The following USP3 variants were observed in gnomAD, a reference collection of about 807,000 sequenced individuals.
USP3 encodes ubiquitin specific peptidase 3, also known as ubiquitin carboxyl-terminal hydrolase 3.
Under a neutral mutation model 72.3 loss-of-function variants are expected in USP3, and 20 were observed. The ratio of observed to expected loss-of-function variants is 0.28; its 90% CI spans 0.19 to 0.40. The LOEUF is 0.40. USP3 is among the 10% of genes least tolerant of loss of function. The probability of loss-of-function intolerance (pLI) is 1.00; values close to 1 mark genes in which losing one functional copy is unlikely to be tolerated. For missense variants in USP3, 479 were observed against 633.9 expected (o/e 0.76, Z 2.62); for synonymous variants, 222 against 225.3 (o/e 0.99, Z 0.13).
In USP3 at chr15:63,556,722, C is replaced by T; in HGVS notation, c.424C>T (p.Leu142=). The T allele has an allele frequency of 6.2e-7, 1 of 1,606,278 alleles. No homozygotes were observed. The highest frequency in any genetic ancestry group is 8.5e-7 in the Non-Finnish European group (1 of 1,176,516). Residue 142 remains leucine, a synonymous_variant, in exon 5 of 15, where the codon CTA becomes TTA. Transcript: ENST00000380324. ...AAGAAAACTTTTGGAAAACTCAACACTAAACAGCAAGTTATTAAAAGTAAA... is the reference window on the plus strand; with the variant it reads ...AAGAAAACTTTTGGAAAACTCAACATTAAACAGCAAGTTATTAAAAGTAAA... The part of the protein sequence containing the change: ...KKRKLLENST[L]NSKLLKVNGS...
At chr15:63,585,064 A>G (rs1388578649) in intron 11 of USP3, among the ~76,000 whole-genome samples, 4 of 152,188 alleles carry the variant, frequency 2.6e-5, no homozygotes, top group East Asian at 3.8e-4. Flanking sequence ...ACTATATAGT[A>G]AGAGTTTTTT....
rs776581466 is a variant in USP3 at position 63,588,897 on chromosome 15, G to A, written c.1330-47G>A. 3.2e-5 allele frequency: 52 copies of A among 1,612,476 alleles called. No individual in the cohort carries two copies. In the South Asian group the frequency reaches 4.5e-4, roughly 14 times the overall value. ...TCACATGGAGAGGGTAGAGGTCATC[G>A]AGATACTGATGTCATTGACCACTGC... On this transcript the variant is annotated intron_variant, in intron 13 of 14. Coordinates refer to ENST00000380324, the MANE Select transcript of USP3 (RefSeq NM_006537.4). The surrounding 1 kb of genome is among the most constrained non-coding windows in gnomAD (Gnocchi z 4.6).
At chr15:63,534,110 C>A (rs2066117754) in intron 2 of USP3, among the ~76,000 whole-genome samples, 1 of 152,150 alleles carries the variant, frequency 6.6e-6, no homozygotes. Flanking sequence ...CTAGCCTCTG[C>A]AGGTGGACTG....
intron 1 of USP3, among the ~76,000 whole-genome samples, chr15:63,522,980 C>A (rs1200187313): frequency 2.6e-5 from 4 of 152,078 alleles, no homozygotes; most frequent in Non-Finnish European, 5.9e-5. Flanking sequence ...AATGTTTTAC[C>A]TGAGTGGCAT....
chr15:63,572,176 A>G (rs2066788702), intron 9 of USP3, among the ~76,000 whole-genome samples: 1 of 152,226 alleles, frequency 6.6e-6, no homozygotes, highest in South Asian at 2.1e-4. Context: ...GTCATGGTAT[A>G]TATGAAACTT....
chr15:63,572,499 T>A (rs572787011), intron 9 of USP3, among the ~76,000 whole-genome samples: 152 of 151,968 alleles, frequency 1.0e-3, no homozygotes, highest in African/African-American at 3.5e-3. Flanking sequence ...TAAAAAAAAA[T>A]TTAAGACAAT....
At chr15:63,578,077 C>A (rs2066894560) in intron 11 of USP3, among the ~76,000 whole-genome samples, 1 of 150,900 alleles carries the variant, frequency 6.6e-6, no homozygotes, top group South Asian at 2.1e-4. Context: ...GAGTTCGAGA[C>A]CAGCCCTGGC....
intron 11 of USP3, chr15:63,587,799 C>T (rs1250871344): frequency 6.6e-6 from 1 of 152,180 alleles, no homozygotes; most frequent in Non-Finnish European, 1.5e-5. Flanking sequence ...TACACAATTA[C>T]ATCTTTAAAT....
chr15:63,577,283 C>T (rs2066879108), intron 11 of USP3, among the ~76,000 whole-genome samples: 1 of 152,196 alleles, frequency 6.6e-6, no homozygotes, highest in Non-Finnish European at 1.5e-5. Flanking sequence ...TCAAATAGGA[C>T]TGATTTAATA....
chr15:63,548,705 TC>T (rs2066392567), intron 3 of USP3, among the ~76,000 whole-genome samples: 1 of 152,134 alleles, frequency 6.6e-6, no homozygotes, highest in South Asian at 2.1e-4. Context: ...AGTTCTTTTT[TC>T]TTTCTTTTTT....
At chr15:63,543,802 T>C (rs2066280440) in intron 3 of USP3, among the ~76,000 whole-genome samples, 1 of 152,176 alleles carries the variant, frequency 6.6e-6, no homozygotes, top group Non-Finnish European at 1.5e-5. Flanking sequence ...CACAGACTAA[T>C]AAGACCTGAT....
chr15:63,558,244 C>G, intron 6 of USP3, 56 bp downstream of exon 6: 5 of 1,585,812 alleles, frequency 3.2e-6, no homozygotes, highest in Non-Finnish European at 2.6e-6. Context: ...AGCACGGGCT[C>G]TGGCTCCCTA....
Position 63,570,342 on chromosome 15 carries a change from C to T in USP3, c.762-91C>T, listed in dbSNP as rs998152913. The T allele has an allele frequency of 7.9e-5, 123 of 1,556,496 alleles. 1 individual carries two copies. The Middle Eastern group carries it at 9.3e-4, about 12-fold the overall frequency. The stretch of plus-strand genomic sequence containing the variant: ...GCTGTGCTTGTGAGCACGGGGCTGC[C>T]GTCCTTTTCCACGCCTTGGCCTCTT... On this transcript the variant is annotated intron_variant, in intron 8 of 14. Coordinates refer to ENST00000380324, the MANE Select transcript of USP3 (RefSeq NM_006537.4). The surrounding 1 kb of genome is among the most constrained non-coding windows in gnomAD (Gnocchi z 4.4).
chr15:63,573,077 T>C (rs935556349), intron 9 of USP3, among the ~76,000 whole-genome samples: 19 of 152,344 alleles, frequency 1.2e-4, no homozygotes, highest in Non-Finnish European at 2.2e-4. Context: ...TCAGTAGTTC[T>C]TGCTTCCATT....
intron 14 of USP3, 50 bp downstream of exon 14, chr15:63,589,061 C>T (rs1338504374): frequency 2.5e-6 from 4 of 1,594,576 alleles, no homozygotes. Context: ...GGTGGCCAGC[C>T]CAATGACCTG....
At position 63,544,583 on chromosome 15, in the gene USP3, A is replaced by G. The variant is rs2066293079; in HGVS notation, c.284+7427A>G. 4 of 619,688 alleles carry G rather than the reference A, an allele frequency of 6.5e-6. No homozygotes were observed. The highest frequency in any genetic ancestry group is 2.8e-5 in the Admixed American group (1 of 35,812). 38.4% of individuals were successfully genotyped at this position (619,688 alleles called of 1,614,324 possible). ...TTTAAAGGAAGTAAACCTACATTAA[A>G]TTTTAGGACAAGAAAACGATTGAGC... On this transcript the variant is annotated intron_variant, in intron 3 of 14. Coordinates refer to ENST00000380324, the MANE Select transcript of USP3 (RefSeq NM_006537.4). The surrounding 1 kb of genome is among the most constrained non-coding windows in gnomAD (Gnocchi z 4.2).
chr15:63,527,226 G>A (rs910271681), intron 1 of USP3, among the ~76,000 whole-genome samples: 8 of 152,092 alleles, frequency 5.3e-5, no homozygotes, highest in Admixed American at 2.0e-4. Flanking sequence ...TAATTTAGAG[G>A]GGACATGATC....
At chr15:63,589,207 G>A (rs1257643343) in intron 14 of USP3, 196 bp downstream of exon 14, 4 of 594,380 alleles carry the variant, frequency 6.7e-6, no homozygotes, top group Admixed American at 3.3e-5. Context: ...AAATAAAAGT[G>A]AAATGAAGAA....
chr15:63,560,032 G>A, intron 7 of USP3, 62 bp downstream of exon 7: 2 of 1,440,058 alleles, frequency 1.4e-6, no homozygotes, highest in Non-Finnish European at 1.9e-6. Flanking sequence ...TTTCACTGGT[G>A]GTTTCCATTG....
Sources: gnomAD v4.1 joint callset for allele counts (sites outside exome capture counted in the v4.1 genomes callset) on GRCh38, gnomAD v4.1.1 for gene constraint, Gnocchi (gnomAD v3.1) non-coding constraint, MANE v1.5 for transcripts, NCBI Gene and HGNC (gene_info 2026-07-23, HGNC 2026-07-21) for gene names.